DSC3: variants seen among roughly 807,000 people sequenced by gnomAD.
The protein encoded by DSC3 is desmocollin 3.
In DSC3, 97 loss-of-function variants were observed where a neutral mutation model predicts 89.5. The observed-to-expected ratio is 1.08, with a 90% CI of 0.92 to 1.28. The LOEUF is 1.28. Ranked by LOEUF, DSC3 falls within the 50% of genes most tolerant of loss-of-function variation. The pLI is 0.00. For synonymous variants in DSC3, 436 were observed against 384.1 expected, an observed-to-expected ratio of 1.14 and a Z score of -1.58; for missense variants, 1,199 against 1,085.3, an observed-to-expected ratio of 1.10 and a Z score of -1.47.
chr18:30,994,548 G>C (rs761511612), intron 15 of DSC3, 176 bp from the exon 16 acceptor site: 3 of 1,305,912 alleles, frequency 2.3e-6, no homozygotes, highest in Non-Finnish European at 3.2e-6. Flanking sequence ...ATACCATAAA[G>C]TCAGTATAGT....
At chr18:31,014,061 T>A (rs1165675256) in intron 9 of DSC3, among the ~76,000 whole-genome samples, 1 of 152,082 alleles carries the variant, frequency 6.6e-6, no homozygotes, top group Non-Finnish European at 1.5e-5. Context: ...CTAAAATAGA[T>A]AGCTGTAAAA....
intron 1 of DSC3, among the ~76,000 whole-genome samples, chr18:31,041,143 C>A (rs1174281937): frequency 1.3e-5 from 2 of 152,296 alleles, no homozygotes; most frequent in East Asian, 3.9e-4. Flanking sequence ...CTTCCATGGC[C>A]TCTGGGAGCC....
At chr18:31,002,597 G>A (rs1455271716) in intron 13 of DSC3, among the ~76,000 whole-genome samples, 1 of 151,792 alleles carries the variant, frequency 6.6e-6, no homozygotes, top group African/African-American at 2.4e-5. Context: ...CTACTCAGGA[G>A]GCTGAGGCAG....
chr18:30,992,061 A>T lies in DSC3; in HGVS notation c.*2114T>A, dbSNP rs1984270118. ...GCGCCTGTAGTCCCAGCTACTCAGG[A>T]GGCTGAGGCAGGAGAATGGCGTGAA... On this transcript the variant is annotated 3_prime_UTR_variant, in exon 16 of 16. Coordinates refer to ENST00000360428, the MANE Select transcript of DSC3 (RefSeq NM_001941.5). The T allele has an allele frequency of 6.7e-6, 1 of 149,944 alleles. No homozygotes were observed. The highest frequency in any genetic ancestry group is 6.7e-5 in the Admixed American group (1 of 14,886). 9.3% of individuals were successfully genotyped at this position (149,944 alleles called of 1,614,324 possible).
At position 31,018,735 on chromosome 18, in the gene DSC3, T is replaced by A. The variant is rs1292873782; in HGVS notation, c.1008A>T (p.Ile336=). The change falls in exon 8 of 16, where the codon ATA becomes ATT. Residue 336 remains isoleucine, a synonymous_variant. Transcript: ENST00000360428. ...CTGTTATGATACAAGTTGATGTGCC[T>A]ATCAATCCAAAAAACTGGCCATCCA... is the stretch of plus-strand genomic sequence containing the variant. ...QDMDGQFFGL[I]GTSTCIITVT... is the part of the protein sequence containing the mutation. 1 of 1,613,596 alleles carries A rather than the reference T, an allele frequency of 6.2e-7. No individual in the cohort carries two copies. Among genetic ancestry groups the A allele is most frequent in the Non-Finnish European group, 8.5e-7 (1 of 1,179,756 alleles).
At position 31,031,087 on chromosome 18, in the gene DSC3, G is replaced by A. The variant is rs761071895; in HGVS notation, c.240C>T (p.Tyr80=). The stretch of plus-strand genomic sequence containing the variant: ...CAGACAGCGCAACAGCCCTGGCTGT[G>A]TACACTGACCCATCATTTAGAACTC... ...DFRVLNDGSV[Y]TARAVALSDK... Residue 80 remains tyrosine, a synonymous_variant, in exon 3 of 16, where the codon TAC becomes TAT. Transcript: ENST00000360428. 7.4e-6 allele frequency: 12 copies of A among 1,613,918 alleles called. No individual in the cohort carries two copies. In the Admixed American group the frequency reaches 1.5e-4, roughly 20 times the overall value.
chr18:31,035,791 A>C (rs142986792), intron 1 of DSC3, among the ~76,000 whole-genome samples: 2 of 152,090 alleles, frequency 1.3e-5, no homozygotes, highest in African/African-American at 4.8e-5. Flanking sequence ...CTTATGCTCT[A>C]TTATATTTCC....
chr18:31,001,862 T>C, intron 13 of DSC3, 123 bp from the exon 14 acceptor site: 1 of 755,408 alleles, frequency 1.3e-6, no homozygotes, highest in Non-Finnish European at 2.0e-6. Context: ...TGGTTTCCCA[T>C]GAATTATCTT....
At chr18:31,001,089 G>GTGTGTATGTATATATATATATATA (rs141615987) in intron 14 of DSC3, among the ~76,000 whole-genome samples, 11 of 126,042 alleles carry the variant, frequency 8.7e-5, no homozygotes, top group African/African-American at 3.2e-4. Context: ...TTGTGTGTGT[G>GTGTGTATGTATATATATATATATA]TATATATATA....
Position 31,024,351 on chromosome 18 carries a change from G to T in DSC3, c.773C>A (p.Pro258His), listed in dbSNP as rs1202099229. 6.3e-7 allele frequency: 1 copy of T among 1,597,312 alleles called. No homozygotes were observed. The highest frequency in any genetic ancestry group is 1.7e-5 in the Admixed American group (1 of 57,556). Residue 258 changes from proline (P) to histidine (H), a missense_variant and splice_region_variant, in exon 6 of 16, where the codon CCT (proline) becomes CAT (histidine). Coordinates refer to ENST00000360428, the MANE Select transcript of DSC3 (RefSeq NM_001941.5). Reference protein sequence around the residue: ...YNFEVLESSRPGTTVGVVCAT... With the variant: ...YNFEVLESSRHGTTVGVVCAT... ...TTTATTCTTAAAAGCAGACTTACCAGGTCTACTACTTTCCAAAACTTCAAA... is the reference window on the plus strand; with the variant it reads ...TTTATTCTTAAAAGCAGACTTACCATGTCTACTACTTTCCAAAACTTCAAA...
At chr18:31,022,958 G>C (rs997711823) in intron 6 of DSC3, among the ~76,000 whole-genome samples, 1 of 152,134 alleles carries the variant, frequency 6.6e-6, no homozygotes, top group Non-Finnish European at 1.5e-5. Flanking sequence ...TAGTAGTCCA[G>C]CCTCTCCTTT....
intron 12 of DSC3, among the ~76,000 whole-genome samples, chr18:31,005,339 G>A (rs1446732556): frequency 6.6e-6 from 1 of 152,204 alleles, no homozygotes; most frequent in Non-Finnish European, 1.5e-5. Flanking sequence ...ATTGGCCTCT[G>A]ATTTTTCTTC....
At chr18:31,014,132 GA>G (rs1490339199) in intron 9 of DSC3, among the ~76,000 whole-genome samples, 2 of 151,910 alleles carry the variant, frequency 1.3e-5, no homozygotes, top group Admixed American at 1.3e-4. Context: ...GTTGAATGAA[GA>G]AAAGCACAGA....
intron 1 of DSC3, among the ~76,000 whole-genome samples, chr18:31,032,633 T>C (rs940466677): frequency 3.3e-5 from 5 of 150,878 alleles, no homozygotes; most frequent in African/African-American, 9.8e-5. Context: ...TCTCACTCTA[T>C]GGCCCAGGCT....
rs1007348411 is a variant in DSC3, at chr18:30,994,165, C to A, written c.*10G>T. 3.7e-6 allele frequency: 6 copies of A among 1,612,290 alleles called. 1 individual carries two copies. In the Admixed American group the frequency reaches 8.3e-5, roughly 22 times the overall value. On this transcript the variant is annotated 3_prime_UTR_variant, in exon 16 of 16. Transcript: ENST00000360428. ...ATGTCTGACAAAGACCTAATTGTAG[C>A]ACTGTGACATTATCTCTTTGTGCAT...
intron 4 of DSC3, among the ~76,000 whole-genome samples, chr18:31,029,292 A>G (rs563598245): frequency 6.6e-6 from 1 of 152,328 alleles, no homozygotes; most frequent in Non-Finnish European, 1.5e-5. Flanking sequence ...TCCCTGCTAA[A>G]TAAATGAATA....
intron 1 of DSC3, among the ~76,000 whole-genome samples, chr18:31,041,767 G>A (rs908939148): frequency 1.8e-4 from 27 of 152,222 alleles, no homozygotes; most frequent in African/African-American, 5.5e-4. Context: ...TTCGTCCTGG[G>A]CGGCAGGTTT....
intron 4 of DSC3, among the ~76,000 whole-genome samples, chr18:31,027,618 C>A (rs1490686492): frequency 6.6e-6 from 1 of 152,036 alleles, no homozygotes; most frequent in Non-Finnish European, 1.5e-5. Flanking sequence ...AGAGACTGTT[C>A]TGAAGTTTCA....
intron 7 of DSC3, among the ~76,000 whole-genome samples, chr18:31,020,730 G>T (rs1480567025): frequency 6.6e-6 from 1 of 151,996 alleles, no homozygotes; most frequent in Non-Finnish European, 1.5e-5. Flanking sequence ...TATTGCTTGA[G>T]TGCAGGAGTC....
Sources: gnomAD v4.1 joint callset for allele counts (sites outside exome capture counted in the v4.1 genomes callset) on GRCh38, gnomAD v4.1.1 for gene constraint, MANE v1.5 for transcripts, NCBI Gene and HGNC (gene_info 2026-07-23, HGNC 2026-07-21) for gene names.